Variants in FGF14 observed in about 807,000 individuals in gnomAD.
The protein encoded by FGF14 is fibroblast growth factor 14.
Under a neutral mutation model 25.5 loss-of-function variants are expected in FGF14, and 5 were observed. The observed-to-expected ratio is 0.20, with a 90% confidence interval of 0.10 to 0.41. The LOEUF (loss-of-function observed/expected upper bound fraction) is 0.41, where lower values mean the gene tolerates loss of function less well. Among genes scored for constraint, FGF14 ranks in the 10% least tolerant of loss-of-function variants. The pLI is 1.00. For missense variants in FGF14, 222 were observed against 320.1 expected (o/e 0.69, Z 2.34); for synonymous variants, 138 against 118.3 (o/e 1.17, Z -1.08).
At chr13:102,298,379 A>C (rs1435506533) in intron 1 of FGF14, among the ~76,000 whole-genome samples, 8 of 152,298 alleles carry the variant, frequency 5.3e-5, no homozygotes, top group African/African-American at 1.7e-4. Flanking sequence ...TTAATATAAA[A>C]TAAAATGTTC....
intron 1 of FGF14, among the ~76,000 whole-genome samples, chr13:102,185,144 T>C (rs149049424): frequency 3.9e-5 from 6 of 152,304 alleles, no homozygotes; most frequent in Non-Finnish European, 8.8e-5. Context: ...ACACATTTCC[T>C]GATTCTTCAT....
At chr13:102,263,095 T>G in intron 1 of FGF14, 1 of 633,706 alleles carries the variant, frequency 1.6e-6, no homozygotes, top group East Asian at 3.5e-5. Flanking sequence ...TTCACCTGAC[T>G]TTATTACCAG....
chr13:102,251,011 T>C (rs748178209), intron 1 of FGF14, among the ~76,000 whole-genome samples: 8 of 152,210 alleles, frequency 5.3e-5, no homozygotes, highest in Non-Finnish European at 8.8e-5. Flanking sequence ...CTTTCTCCTA[T>C]AAACTTTAAC....
chr13:102,019,332 G>C (rs1157342391), intron 1 of FGF14, among the ~76,000 whole-genome samples: 3 of 152,128 alleles, frequency 2.0e-5, no homozygotes, highest in Admixed American at 6.6e-5. Context: ...CTGCTGACCT[G>C]TTTCCAGGCA....
intron 1 of FGF14, among the ~76,000 whole-genome samples, chr13:102,171,559 TA>T (rs2048244882): frequency 6.6e-6 from 1 of 152,022 alleles, no homozygotes; most frequent in Non-Finnish European, 1.5e-5. Context: ...TAGAAGAAAA[TA>T]AAACAACAAG....
chr13:102,320,306 C>T (rs1268299599), intron 1 of FGF14, among the ~76,000 whole-genome samples: 1 of 150,244 alleles, frequency 6.7e-6, no homozygotes, highest in Non-Finnish European at 1.5e-5. Context: ...CACAAGTCAA[C>T]AAAGGTAAAA....
intron 1 of FGF14, among the ~76,000 whole-genome samples, chr13:102,256,642 T>C (rs1382432759): frequency 6.6e-6 from 1 of 152,226 alleles, no homozygotes; most frequent in African/African-American, 2.4e-5. Flanking sequence ...TCTTCTGGAA[T>C]TTCCCACATT....
At chr13:101,752,310 A>C (rs1029694619) in intron 3 of FGF14, among the ~76,000 whole-genome samples, 2 of 152,208 alleles carry the variant, frequency 1.3e-5, no homozygotes, top group Admixed American at 6.6e-5. Context: ...TATCTTTTCA[A>C]CAGTCTAATG....
intron 1 of FGF14, among the ~76,000 whole-genome samples, chr13:102,156,910 G>C (rs992188972): frequency 1.4e-4 from 21 of 152,300 alleles, no homozygotes; most frequent in Middle Eastern, 3.4e-3. Flanking sequence ...ATTCACAACT[G>C]CTTCAAAGAG....
At chr13:101,930,341 TTCCTG>T (rs2034666020) in intron 1 of FGF14, among the ~76,000 whole-genome samples, 3 of 152,090 alleles carry the variant, frequency 2.0e-5, no homozygotes, top group African/African-American at 4.8e-5. Context: ...CCAAATTAAT[TTCCTG>T]CATTAAAATA....
intron 3 of FGF14, among the ~76,000 whole-genome samples, chr13:101,799,603 A>G (rs1439754588): frequency 6.6e-6 from 1 of 152,158 alleles, no homozygotes; most frequent in African/African-American, 2.4e-5. Flanking sequence ...TGATAAATAT[A>G]TAGTATGCAC....
At chr13:102,153,831 A>T (rs1045694503) in intron 1 of FGF14, among the ~76,000 whole-genome samples, 4 of 152,180 alleles carry the variant, frequency 2.6e-5, no homozygotes, top group Non-Finnish European at 4.4e-5. Flanking sequence ...ATCACAAGTA[A>T]TCACAGATGC....
Position 101,842,183 on chromosome 13 carries a change from T to C in FGF14, c.408+26542A>G, listed in dbSNP as rs149940023. On this transcript the variant is annotated intron_variant, in intron 3 of 4. Coordinates refer to ENST00000376143, the MANE Select transcript of FGF14 (RefSeq NM_004115.4). ...AGCTCCATATGGTGCCAAATTTCTT[T>C]TGTCCTTTTTCCAGTATTCTTCTCT... is the stretch of plus-strand genomic sequence containing the variant. Among the ~76,000 whole-genome samples, 3 of 152,060 alleles carry C rather than the reference T, an allele frequency of 2.0e-5. No individual in the cohort carries two copies. The East Asian group carries it at 5.8e-4, about 30-fold the overall frequency.
At chr13:102,078,255 C>T (rs1052764659) in intron 1 of FGF14, among the ~76,000 whole-genome samples, 3 of 152,044 alleles carry the variant, frequency 2.0e-5, no homozygotes, top group Non-Finnish European at 4.4e-5. Flanking sequence ...GTATTATATT[C>T]TTGAAAATTT....
At chr13:102,022,878 T>C (rs1333623773) in intron 1 of FGF14, among the ~76,000 whole-genome samples, 1 of 152,088 alleles carries the variant, frequency 6.6e-6, no homozygotes, top group East Asian at 1.9e-4. Context: ...CCCATTATGA[T>C]ATCTTAAGAA....
intron 1 of FGF14, among the ~76,000 whole-genome samples, chr13:102,375,181 G>A (rs1242873272): frequency 6.6e-6 from 1 of 152,018 alleles, no homozygotes; most frequent in Non-Finnish European, 1.5e-5. Flanking sequence ...CACTCATGCT[G>A]GTAAAAAGTA....
chr13:102,234,797 C>T (rs2141006074), intron 1 of FGF14, among the ~76,000 whole-genome samples: 1 of 152,184 alleles, frequency 6.6e-6, no homozygotes, highest in South Asian at 2.1e-4. Flanking sequence ...TTGTCATCTC[C>T]CCAGCGATGT....
At chr13:102,351,743 T>C (rs928153401) in intron 1 of FGF14, among the ~76,000 whole-genome samples, 2 of 152,184 alleles carry the variant, frequency 1.3e-5, no homozygotes, top group Non-Finnish European at 1.5e-5. Context: ...CTGAGCATCC[T>C]CAGGATGTGA....
At chr13:102,165,557 T>G (rs113137747) in intron 1 of FGF14, among the ~76,000 whole-genome samples, 12,390 of 149,746 alleles carry the variant, frequency 0.083, 725 homozygotes, top group Middle Eastern at 0.15. Context: ...CAGCAAACTA[T>G]CGCAAGGACA....
Sources: gnomAD v4.1 joint callset for allele counts (sites outside exome capture counted in the v4.1 genomes callset) on GRCh38, gnomAD v4.1.1 for gene constraint, MANE v1.5 for transcripts, NCBI Gene and HGNC (gene_info 2026-07-23, HGNC 2026-07-21) for gene names.